NCBP3: variants seen among roughly 807,000 people sequenced by gnomAD.
NCBP3 encodes nuclear cap-binding protein subunit 3.
NCBP3 carries 20 observed loss-of-function variants against 75.7 expected under a neutral mutation model. The observed-to-expected ratio is 0.26, with a 90% CI of 0.19 to 0.38. NCBP3 has a LOEUF of 0.38. Ranked by LOEUF, NCBP3 falls within the 10% of genes least tolerant of loss-of-function variation. NCBP3 has a pLI of 1.00. For synonymous variants in NCBP3, 293 were observed against 290.5 expected (o/e 1.01, Z -0.09); for missense variants, 678 against 796.9 (o/e 0.85, Z 1.80).
At chr17:3,841,455 C>G (rs755793797) in intron 2 of NCBP3, among the ~76,000 whole-genome samples, 6 of 152,162 alleles carry the variant, frequency 3.9e-5, no homozygotes, top group Non-Finnish European at 8.8e-5. Flanking sequence ...AAAGTACTAA[C>G]TCTGAGACTA....
rs12449334 is a variant in NCBP3, at chr17:3,846,117, T to C, written c.107A>G (p.Glu36Gly). Residue 36 changes from glutamate to glycine, a missense_variant, in exon 1 of 13, where the codon GAG (glutamate) becomes GGG (glycine). By Grantham distance (98) the Glu-to-Gly change is moderately conservative (BLOSUM62 -2). Transcript: ENST00000389005. This position sits in a 1 kb window ranked among gnomAD's most constrained non-coding sequence, Gnocchi z 4.6. The part of the protein sequence containing the change: ...PEAESGVDRG[E>G]PEPMEVEEGE... ...CTCCTCCACCTCCATGGGCTCCGGC[T>C]CGCCACGGTCAACACCGGACTCCGC... 6.5e-7 allele frequency: 1 copy of C among 1,547,968 alleles called. No homozygotes were observed. The highest frequency in any genetic ancestry group is 1.4e-5 in the African/African-American group (1 of 72,288).
At position 3,812,479 on chromosome 17, in the gene NCBP3, G is replaced by A. The variant is rs972999472; in HGVS notation, c.*565C>T. Reference sequence around the variant, plus strand: ...GAAGAACGGAAGCACAGTCAATGCTGCAGCTCTTATCTACCTGGGCGGCAC... The same window carrying A: ...GAAGAACGGAAGCACAGTCAATGCTACAGCTCTTATCTACCTGGGCGGCAC... On this transcript the variant is annotated 3_prime_UTR_variant, in exon 13 of 13. Coordinates refer to ENST00000389005, the MANE Select transcript of NCBP3 (RefSeq NM_001114118.3). 4.1e-6 allele frequency: 4 copies of A among 984,868 alleles called. No homozygotes were observed. The highest frequency in any genetic ancestry group is 3.6e-6 in the Non-Finnish European group (3 of 828,124). 61.0% of individuals were successfully genotyped at this position (984,868 alleles called of 1,614,324 possible).
intron 3 of NCBP3, 125 bp from the exon 4 acceptor site, chr17:3,829,493 T>C (rs1597405697): frequency 1.8e-6 from 2 of 1,092,760 alleles, no homozygotes; most frequent in Non-Finnish European, 2.6e-6. Context: ...AGAGAAACTA[T>C]AATTATTTCA....
rs569147366 is a variant in NCBP3, at chr17:3,808,299, T to C, written c.*4745A>G. 7.2e-5 allele frequency: 11 copies of C among 152,236 alleles called. No homozygotes were observed. Among genetic ancestry groups the C allele is most frequent in the Non-Finnish European group, 1.6e-4 (11 of 68,050 alleles). The allele number at this position is 152,236 out of a possible 1,614,324, so 9.4% of individuals were successfully genotyped here. A position where few individuals can be genotyped will look rare whatever the true frequency, so the allele number is the denominator to read the frequency against. Reference sequence around the variant, plus strand: ...GAAATGACTACATGGGACCTCAAGATGTTGGTCTTCAATAGGGCACCTTCC... The same window carrying C: ...GAAATGACTACATGGGACCTCAAGACGTTGGTCTTCAATAGGGCACCTTCC... On this transcript the variant is annotated 3_prime_UTR_variant, in exon 13 of 13. Coordinates refer to ENST00000389005, the MANE Select transcript of NCBP3 (RefSeq NM_001114118.3).
chr17:3,829,654 C>A (rs2053844479), intron 3 of NCBP3, among the ~76,000 whole-genome samples: 1 of 152,184 alleles, frequency 6.6e-6, no homozygotes, highest in Admixed American at 6.5e-5. Context: ...TAATCTGTAG[C>A]AATCAGAGCA....
At chr17:3,817,146 C>G (rs2053550043) in intron 10 of NCBP3, among the ~76,000 whole-genome samples, 1 of 152,222 alleles carries the variant, frequency 6.6e-6, no homozygotes, top group Non-Finnish European at 1.5e-5. Context: ...GACTCTAACC[C>G]TTAGAACTGT....
rs933674520 is a variant in NCBP3 at position 3,804,836 on chromosome 17, A to C, written c.*8208T>G. On this transcript the variant is annotated 3_prime_UTR_variant, in exon 13 of 13. Transcript: ENST00000389005. ...GGTCAACCCGATTTCTCAGATAAGGATGCTGCCTCTGAGAGGCCACATAGC... is the reference window on the plus strand; with the variant it reads ...GGTCAACCCGATTTCTCAGATAAGGCTGCTGCCTCTGAGAGGCCACATAGC... 2 of 152,236 alleles carry C rather than the reference A, an allele frequency of 1.3e-5. No individual in the cohort carries two copies. The highest frequency in any genetic ancestry group is 4.8e-5 in the African/African-American group (2 of 41,450). 9.4% of individuals were successfully genotyped at this position (152,236 alleles called of 1,614,324 possible).
In NCBP3 at chr17:3,846,042, G is replaced by A. The variant is rs2054158535; in HGVS notation, c.182C>T (p.Pro61Leu). The stretch of plus-strand genomic sequence containing the variant: ...TTACCCCCCGACCCCCGCCCGTACC[G>A]GGATCAGTTCCTTGAGCGAGCGCCG... ...PVRRSLKELIPDTSRRYENKA... is the reference protein window; with the variant it reads ...PVRRSLKELILDTSRRYENKA... The change falls in exon 1 of 13, where the codon CCG (proline) becomes CTG (leucine). Residue 61 changes from proline (P) to leucine (L), a missense_variant and splice_region_variant. By Grantham distance (98) the Pro-to-Leu change is moderately conservative (BLOSUM62 -3). This residue lies in a region of NCBP3 where 46 missense variants were observed against 82.8 expected (regional missense o/e 0.56). Coordinates refer to ENST00000389005, the MANE Select transcript of NCBP3 (RefSeq NM_001114118.3). The surrounding 1 kb of genome is among the most constrained non-coding windows in gnomAD (Gnocchi z 4.6). 1 of 1,545,674 alleles carries A rather than the reference G, an allele frequency of 6.5e-7. No homozygotes were observed. The highest frequency in any genetic ancestry group is 8.7e-7 in the Non-Finnish European group (1 of 1,144,430).
chr17:3,822,413 C>T (rs1182474229), intron 7 of NCBP3: 2 of 169,030 alleles, frequency 1.2e-5, no homozygotes, highest in African/African-American at 4.8e-5. Context: ...ATTTTTGCCA[C>T]CCCATGAAAG....
chr17:3,824,838 C>T (rs1222555919), intron 7 of NCBP3, 104 bp downstream of exon 7: 2 of 591,378 alleles, frequency 3.4e-6, no homozygotes, highest in African/African-American at 1.9e-5. Flanking sequence ...TTGAAGGGAA[C>T]TTTGAGATTA....
At chr17:3,842,574 T>A (rs2054084856) in intron 2 of NCBP3, among the ~76,000 whole-genome samples, 1 of 152,210 alleles carries the variant, frequency 6.6e-6, no homozygotes. Context: ...AACACAGGTA[T>A]CTAAGTAGAG....
intron 3 of NCBP3, among the ~76,000 whole-genome samples, chr17:3,834,697 T>A (rs1170559218): frequency 2.6e-5 from 4 of 151,996 alleles, no homozygotes; most frequent in African/African-American, 9.7e-5. Flanking sequence ...ATCACTTGAA[T>A]CCAGAAGTTC....
rs1417631010 is a variant in NCBP3, at chr17:3,818,737, A to G, written c.1001-165T>C. Among the ~76,000 whole-genome samples the G allele has an allele frequency of 6.6e-6, 1 of 152,236 alleles. No individual in the cohort carries two copies. Among genetic ancestry groups the G allele is most frequent in the Non-Finnish European group, 1.5e-5 (1 of 68,048 alleles). On this transcript the variant is annotated intron_variant, in intron 9 of 12. Transcript: ENST00000389005. This position sits in a 1 kb window ranked among gnomAD's most constrained non-coding sequence, Gnocchi z 4.7. ...AAATGGACATTACTCTGATACTGCA[A>G]CAGGAGGATGGCTAGGTAAAGTATG...
In NCBP3 at chr17:3,813,302, C is replaced by T. The variant is rs370469855; in HGVS notation, c.1628-23G>A. 5.6e-6 allele frequency: 9 copies of T among 1,612,610 alleles called. No homozygotes were observed. The African/African-American group carries it at 1.2e-4, about 22-fold the overall frequency. ...TACCTGTTTGGATGAGATGGCATTT[C>T]ACTTTCGCAGTCAGCGCTAAGAACC... On this transcript the variant is annotated intron_variant, in intron 12 of 12. Transcript: ENST00000389005.
intron 3 of NCBP3, among the ~76,000 whole-genome samples, chr17:3,839,140 TAG>T (rs2054023289): frequency 6.6e-6 from 1 of 152,222 alleles, no homozygotes; most frequent in South Asian, 2.1e-4. Flanking sequence ...TAAATTGCTT[TAG>T]AAAACTGCGG....
At chr17:3,822,690 A>C (rs1478699889) in intron 7 of NCBP3, 2 of 152,282 alleles carry the variant, frequency 1.3e-5, no homozygotes, top group Non-Finnish European at 2.9e-5. Flanking sequence ...TTTTGTCAAA[A>C]GTAGTAATAC....
chr17:3,841,384 C>T (rs192608172), intron 2 of NCBP3, among the ~76,000 whole-genome samples: 4 of 152,242 alleles, frequency 2.6e-5, no homozygotes, highest in Admixed American at 2.0e-4. Flanking sequence ...CAATAGTTAA[C>T]GCTCATTTTC....
In NCBP3 at chr17:3,826,068, CCCT is replaced by C. The variant is rs779637027; in HGVS notation, c.610+16_610+18del. 6.5e-7 allele frequency: 1 copy of C among 1,547,922 alleles called. No homozygotes were observed. Among genetic ancestry groups the C allele is most frequent in the South Asian group, 1.2e-5 (1 of 83,640 alleles). ...AGAAGAGGACTTTCAGACCCCAGTT[CCCT>C]CCTTTGTGTTGTTACCTTTTTTCCT... is the stretch of plus-strand genomic sequence containing the variant. On this transcript the variant is annotated intron_variant, in intron 5 of 12. Coordinates refer to ENST00000389005, the MANE Select transcript of NCBP3 (RefSeq NM_001114118.3).
chr17:3,818,384 AGCT>A lies in NCBP3; in HGVS notation c.1186_1188del (p.Ser397del). The A allele has an allele frequency of 6.2e-7, 1 of 1,614,104 alleles. No homozygotes were observed. The highest frequency in any genetic ancestry group is 8.5e-7 in the Non-Finnish European group (1 of 1,180,018). On this transcript the variant is annotated inframe_deletion, in exon 10 of 13. Transcript: ENST00000389005. This position sits in a 1 kb window ranked among gnomAD's most constrained non-coding sequence, Gnocchi z 4.7. ...TCATAGTCCATTTCATCTGAGTCTG[AGCT>A]GCTGGCACTGGATCGTCTAGACGCG...
Sources: gnomAD v4.1 joint callset for allele counts (sites outside exome capture counted in the v4.1 genomes callset) on GRCh38, gnomAD v4.1.1 for gene constraint, gnomAD v4.1.1 regional missense constraint, Gnocchi (gnomAD v3.1) non-coding constraint, MANE v1.5 for transcripts, NCBI Gene and HGNC (gene_info 2026-07-23, HGNC 2026-07-21) for gene names.